ADAMTS20: variants seen among roughly 807,000 people sequenced by gnomAD.
ADAMTS20 encodes the protein ADAM metallopeptidase with thrombospondin type 1 motif 20, also known as A disintegrin and metalloproteinase with thrombospondin motifs 20.
A neutral mutation model predicts 260.1 loss-of-function variants in ADAMTS20; 225 were observed. The ratio of observed to expected loss-of-function variants is 0.87; its 90% CI spans 0.78 to 0.97. ADAMTS20 has a LOEUF of 0.97. Among genes scored for constraint, ADAMTS20 ranks in the 50% least tolerant of loss-of-function variants. The pLI is 0.00. For missense variants in ADAMTS20, 2,400 were observed against 2,337.7 expected, an observed-to-expected ratio of 1.03 and a Z score of -0.55; for synonymous variants, 802 against 769.5, an observed-to-expected ratio of 1.04 and a Z score of -0.70.
intron 23 of ADAMTS20, 69 bp downstream of exon 23, chr12:43,430,283 T>C (rs1592064392): frequency 1.3e-6 from 2 of 1,486,682 alleles, no homozygotes; most frequent in Non-Finnish European, 1.8e-6. Flanking sequence ...AGTAAAGAAA[T>C]AATTTTAACA....
At chr12:43,469,625 A>C (rs917036906) in intron 7 of ADAMTS20, among the ~76,000 whole-genome samples, 3 of 152,114 alleles carry the variant, frequency 2.0e-5, no homozygotes, top group Non-Finnish European at 4.4e-5. Flanking sequence ...TTTCACAAAA[A>C]AAAGATTTTT....
At chr12:43,416,249 C>T (rs1361911629) in intron 28 of ADAMTS20, among the ~76,000 whole-genome samples, 1 of 151,996 alleles carries the variant, frequency 6.6e-6, no homozygotes, top group Non-Finnish European at 1.5e-5. Context: ...ACATTCCCTC[C>T]TTGACTTTTC....
intron 8 of ADAMTS20, 70 bp downstream of exon 8, chr12:43,468,530 G>T: frequency 3.1e-6 from 3 of 961,992 alleles, no homozygotes; most frequent in Admixed American, 2.3e-5. Flanking sequence ...CTCAACTGAA[G>T]ATAGAATTTC....
intron 2 of ADAMTS20, among the ~76,000 whole-genome samples, chr12:43,538,943 T>TA (rs397743982): frequency 1.4e-5 from 2 of 145,286 alleles, no homozygotes; most frequent in Non-Finnish European, 1.5e-5. Context: ...TTAATTTTTT[T>TA]ATGAACATTC....
intron 3 of ADAMTS20, among the ~76,000 whole-genome samples, chr12:43,529,380 T>C (rs1363973363): frequency 2.6e-5 from 4 of 152,106 alleles, no homozygotes; most frequent in Non-Finnish European, 5.9e-5. Context: ...AAATTCACAG[T>C]TGCAAAGATA....
chr12:43,527,631 C>T (rs1460578329), intron 3 of ADAMTS20, among the ~76,000 whole-genome samples: 1 of 152,018 alleles, frequency 6.6e-6, no homozygotes, highest in African/African-American at 2.4e-5. Context: ...TGAAAAAAAT[C>T]CAGCATCTCT....
At chr12:43,513,844 AG>A (rs766011506) in intron 3 of ADAMTS20, among the ~76,000 whole-genome samples, 4 of 150,244 alleles carry the variant, frequency 2.7e-5, no homozygotes, top group Non-Finnish European at 4.4e-5. Flanking sequence ...TCTCACTCAT[AG>A]GTAGGAATTG....
intron 3 of ADAMTS20, among the ~76,000 whole-genome samples, chr12:43,524,812 A>C (rs1943119678): frequency 6.6e-6 from 1 of 152,202 alleles, no homozygotes; most frequent in African/African-American, 2.4e-5. Flanking sequence ...GACAAAAATG[A>C]AGCAAAAAAT....
intron 16 of ADAMTS20, among the ~76,000 whole-genome samples, chr12:43,442,352 G>A (rs1326457662): frequency 6.6e-6 from 1 of 151,544 alleles, no homozygotes; most frequent in Non-Finnish European, 1.5e-5. Flanking sequence ...CCGCCCCCCA[G>A]ATTCCAGCGA....
At chr12:43,549,548 C>A (rs1943485095) in intron 2 of ADAMTS20, among the ~76,000 whole-genome samples, 1 of 152,160 alleles carries the variant, frequency 6.6e-6, no homozygotes, top group Non-Finnish European at 1.5e-5. Context: ...GCCTTCCCAT[C>A]TGGAATGCTT....
intron 9 of ADAMTS20, 113 bp from the exon 10 acceptor site, chr12:43,464,845 T>A: frequency 1.6e-6 from 2 of 1,223,892 alleles, no homozygotes; most frequent in Non-Finnish European, 2.2e-6. Flanking sequence ...TCAGTATTTA[T>A]TCATAACTTT....
At chr12:43,510,416 C>T (rs1397853384) in intron 3 of ADAMTS20, among the ~76,000 whole-genome samples, 2 of 150,496 alleles carry the variant, frequency 1.3e-5, no homozygotes, top group African/African-American at 4.9e-5. Flanking sequence ...GCATATATTA[C>T]TATTTTCTTG....
At chr12:43,480,314 G>A (rs1942422084) in intron 7 of ADAMTS20, among the ~76,000 whole-genome samples, 1 of 152,152 alleles carries the variant, frequency 6.6e-6, no homozygotes, top group Non-Finnish European at 1.5e-5. Flanking sequence ...GAATCTAGCA[G>A]TGTGTGGGGG....
At chr12:43,371,001 G>A (rs1940096002) in intron 36 of ADAMTS20, among the ~76,000 whole-genome samples, 1 of 152,050 alleles carries the variant, frequency 6.6e-6, no homozygotes, top group African/African-American at 2.4e-5. Flanking sequence ...CCCTGCTTAT[G>A]CCTTTATGCC....
chr12:43,440,897 T>C (rs1278795625), intron 16 of ADAMTS20, among the ~76,000 whole-genome samples: 1 of 152,150 alleles, frequency 6.6e-6, no homozygotes, highest in Non-Finnish European at 1.5e-5. Context: ...ACCCCGTCTC[T>C]AGTAAAAATA....
At chr12:43,360,794 G>A (rs1288733827) in intron 37 of ADAMTS20, among the ~76,000 whole-genome samples, 1 of 152,108 alleles carries the variant, frequency 6.6e-6, no homozygotes, top group Non-Finnish European at 1.5e-5. Flanking sequence ...GTAATCGAAA[G>A]GGTAGATCTT....
At chr12:43,474,343 A>T (rs1312415510) in intron 7 of ADAMTS20, among the ~76,000 whole-genome samples, 1 of 149,022 alleles carries the variant, frequency 6.7e-6, no homozygotes, top group Non-Finnish European at 1.5e-5. Context: ...TGTGGCAATA[A>T]TCAATAGTTT....
intron 28 of ADAMTS20, among the ~76,000 whole-genome samples, chr12:43,404,640 G>T (rs1037836132): frequency 1.4e-4 from 21 of 152,056 alleles, no homozygotes; most frequent in African/African-American, 5.1e-4. Flanking sequence ...TATGGATGAA[G>T]ATATATATAT....
At chr12:43,384,482 C>A (rs942991056) in intron 29 of ADAMTS20, among the ~76,000 whole-genome samples, 2 of 151,984 alleles carry the variant, frequency 1.3e-5, no homozygotes, top group African/African-American at 4.8e-5. Flanking sequence ...ACTTTAAGTT[C>A]TGGGATACAT....
Sources: allele counts gnomAD v4.1 joint callset (sites outside exome capture counted in the v4.1 genomes callset), GRCh38; gene constraint gnomAD v4.1.1; transcripts MANE v1.5; gene names NCBI Gene and HGNC (gene_info 2026-07-23, HGNC 2026-07-21).